Variants in PDZRN3 observed in about 807,000 individuals in gnomAD.
PDZRN3 encodes the protein E3 ubiquitin-protein ligase PDZRN3.
In PDZRN3, 38 loss-of-function variants were observed where a neutral mutation model predicts 85.7. The ratio of observed to expected loss-of-function variants is 0.44; its 90% CI spans 0.34 to 0.58. The LOEUF is 0.58. Ranked by LOEUF, PDZRN3 falls within the 20% of genes least tolerant of loss-of-function variation. PDZRN3 has a pLI of 0.01. For missense variants in PDZRN3, 1,629 were observed against 1,506.4 expected (o/e 1.08, Z -1.35); for synonymous variants, 759 against 638.0 (o/e 1.19, Z -2.86).
intron 3 of PDZRN3, among the ~76,000 whole-genome samples, chr3:73,416,898 T>G (rs1490901185): frequency 8.3e-4 from 121 of 145,064 alleles, no homozygotes; most frequent in Admixed American, 1.5e-3. Context: ...TTTTTTTTTT[T>G]TTTTTTTTTT....
At chr3:73,555,639 T>C (rs1048639648) in intron 3 of PDZRN3, among the ~76,000 whole-genome samples, 1 of 152,166 alleles carries the variant, frequency 6.6e-6, no homozygotes, top group African/African-American at 2.4e-5. Context: ...CCAAGTCCTA[T>C]ACTTTGGGGA....
chr3:73,497,636 A>G (rs1483839340), intron 3 of PDZRN3, among the ~76,000 whole-genome samples: 1 of 152,252 alleles, frequency 6.6e-6, no homozygotes, highest in Admixed American at 6.5e-5. Flanking sequence ...CTGAAACTCT[A>G]CGTACCCATC....
intron 6 of PDZRN3, among the ~76,000 whole-genome samples, chr3:73,390,638 T>TGG: frequency 9.0e-6 from 1 of 110,648 alleles, no homozygotes; most frequent in East Asian, 3.4e-4. Flanking sequence ...AAAAAAAATG[T>TGG]GTGTGTGTGT....
intron 3 of PDZRN3, among the ~76,000 whole-genome samples, chr3:73,454,939 G>T (rs1428445248): frequency 1.3e-5 from 2 of 150,086 alleles, no homozygotes; most frequent in African/African-American, 4.9e-5. Context: ...CTTATCATCT[G>T]TAAGAAATGT....
chr3:73,479,551 C>T (rs1234602276), intron 3 of PDZRN3, among the ~76,000 whole-genome samples: 1 of 152,228 alleles, frequency 6.6e-6, no homozygotes, highest in African/African-American at 2.4e-5. Flanking sequence ...ATGGCTCAGC[C>T]TGAGAAGCCA....
rs544558994 is a variant in PDZRN3, at chr3:73,579,410, C to G, written c.918+22944G>C. On this transcript the variant is annotated intron_variant, in intron 3 of 9. Coordinates refer to ENST00000263666, the MANE Select transcript of PDZRN3 (RefSeq NM_015009.3). The stretch of plus-strand genomic sequence containing the variant: ...TGTGGGGTCTAAAGCCAATAAACAG[C>G]TACTGCTAGATAATCATAAAGAGTA... Among the ~76,000 whole-genome samples, 3 of 152,282 alleles carry G rather than the reference C, an allele frequency of 2.0e-5. No homozygotes were observed. The South Asian group carries it at 6.2e-4, about 32-fold the overall frequency.
intron 3 of PDZRN3, among the ~76,000 whole-genome samples, chr3:73,430,825 C>G (rs1289574431): frequency 6.6e-6 from 1 of 152,192 alleles, no homozygotes; most frequent in African/African-American, 2.4e-5. Flanking sequence ...AAGTAGGAGA[C>G]TGTACTCCTT....
rs112417531 is a variant in PDZRN3 at position 73,598,585 on chromosome 3, G to C, written c.918+3769C>G. Among the ~76,000 whole-genome samples the C allele has an allele frequency of 3.9e-5, 6 of 152,242 alleles. 2 individuals are homozygous for C. The highest frequency in any genetic ancestry group is 1.4e-4 in the African/African-American group (6 of 41,522). ...GACCAAAGTCTGCCCAACAAGCCCA[G>C]GGCAGATGGACACACAGGATTCCAG... On this transcript the variant is annotated intron_variant, in intron 3 of 9. Coordinates refer to ENST00000263666, the MANE Select transcript of PDZRN3 (RefSeq NM_015009.3).
chr3:73,517,722 G>A (rs1287663180), intron 3 of PDZRN3, among the ~76,000 whole-genome samples: 8 of 152,172 alleles, frequency 5.3e-5, no homozygotes, highest in African/African-American at 1.2e-4. Flanking sequence ...CAAGCAAGAC[G>A]ATGTAGAGTT....
At chr3:73,397,050 T>TTTTTTTTTTGTTTTTTTC in intron 5 of PDZRN3, among the ~76,000 whole-genome samples, 1 of 151,798 alleles carries the variant, frequency 6.6e-6, no homozygotes, top group Admixed American at 6.6e-5. Flanking sequence ...TTTTTTTTTT[T>TTTTTTTTTTGTTTTTTTC]TGAGACAGAG....
intron 3 of PDZRN3, among the ~76,000 whole-genome samples, chr3:73,411,899 A>G (rs1486702628): frequency 1.3e-5 from 2 of 152,216 alleles, no homozygotes; most frequent in Non-Finnish European, 2.9e-5. Context: ...TGTGCCAGAC[A>G]CTATTCTATG....
At chr3:73,574,826 C>T (rs1198678267) in intron 3 of PDZRN3, among the ~76,000 whole-genome samples, 1 of 152,188 alleles carries the variant, frequency 6.6e-6, no homozygotes, top group Non-Finnish European at 1.5e-5. Flanking sequence ...AATTCAACTT[C>T]CCCCCTCATC....
rs1236748741 is a variant in PDZRN3 at position 73,624,243 on chromosome 3, C to G, written c.583G>C (p.Glu195Gln). The G allele has an allele frequency of 6.8e-7, 1 of 1,467,640 alleles. No homozygotes were observed. Among genetic ancestry groups the G allele is most frequent in the Non-Finnish European group, 9.0e-7 (1 of 1,115,676 alleles). 90.9% of individuals were successfully genotyped at this position (1,467,640 alleles called of 1,614,324 possible). The change falls in exon 1 of 10, where the codon GAG (glutamate) becomes CAG (glutamine). Residue 195 changes from glutamate (E) to glutamine (Q), a missense_variant. Coordinates refer to ENST00000263666, the MANE Select transcript of PDZRN3 (RefSeq NM_015009.3). ...KKEALRAGKR[E>Q]KSLVAQLAAA... ...GCCAGCTGGGCCACCAGCGACTTCT[C>G]GCGCTTCCCAGCGCGCAGCGCCTCC... is the stretch of plus-strand genomic sequence containing the variant.
At chr3:73,527,012 C>A (rs1704541062) in intron 3 of PDZRN3, among the ~76,000 whole-genome samples, 1 of 152,144 alleles carries the variant, frequency 6.6e-6, no homozygotes, top group African/African-American at 2.4e-5. Flanking sequence ...CCACCCCCAG[C>A]TAATTTTTTT....
chr3:73,592,911 G>A (rs1378042557), intron 3 of PDZRN3, among the ~76,000 whole-genome samples: 1 of 152,164 alleles, frequency 6.6e-6, no homozygotes, highest in Non-Finnish European at 1.5e-5. Flanking sequence ...ACTGTGCTTA[G>A]TTTAGCTCCA....
intron 3 of PDZRN3, among the ~76,000 whole-genome samples, chr3:73,547,084 C>A (rs1575727068): frequency 6.6e-6 from 1 of 152,142 alleles, no homozygotes; most frequent in South Asian, 2.1e-4. Context: ...ATTCCTTCCA[C>A]CCCACTCACG....
chr3:73,476,228 C>A (rs566546195), intron 3 of PDZRN3, among the ~76,000 whole-genome samples: 2 of 152,266 alleles, frequency 1.3e-5, no homozygotes, highest in East Asian at 3.9e-4. Flanking sequence ...ACAGGCTATA[C>A]AGGAGCATGG....
At chr3:73,402,960 T>TTTTTTTTTTTTTTTTTTTTTG (rs1429244382) in intron 4 of PDZRN3, among the ~76,000 whole-genome samples, 2 of 98,942 alleles carry the variant, frequency 2.0e-5, no homozygotes, top group African/African-American at 7.4e-5. Flanking sequence ...TTTTTTTTTT[T>TTTTTTTTTTTTTTTTTTTTTG]TGAGACGGAG....
intron 3 of PDZRN3, among the ~76,000 whole-genome samples, chr3:73,501,573 T>C (rs898867904): frequency 6.6e-6 from 1 of 152,186 alleles, no homozygotes; most frequent in African/African-American, 2.4e-5. Context: ...GTGCCTACTA[T>C]GTAAAAAGCA....
Sources: allele counts gnomAD v4.1 joint callset (sites outside exome capture counted in the v4.1 genomes callset), GRCh38; gene constraint gnomAD v4.1.1; transcripts MANE v1.5; gene names NCBI Gene and HGNC (gene_info 2026-07-23, HGNC 2026-07-21).